MBTD1: variants seen among roughly 807,000 people sequenced by gnomAD.
The protein encoded by MBTD1 is mbt domain containing 1, also known as MBT domain-containing protein 1.
MBTD1 carries 24 observed loss-of-function variants against 87.8 expected under a neutral mutation model. That is an observed-to-expected ratio of 0.27 (90% confidence interval 0.20 to 0.38). The LOEUF is 0.38. Among genes scored for constraint, MBTD1 ranks in the 10% least tolerant of loss-of-function variants. The probability of loss-of-function intolerance (pLI) is 1.00; values close to 1 mark genes in which losing one functional copy is unlikely to be tolerated. For synonymous variants in MBTD1, 237 were observed against 248.6 expected (o/e 0.95, Z 0.44); for missense variants, 436 against 760.2 (o/e 0.57, Z 5.02).
chr17:51,236,201 T>C (rs1285343614), intron 2 of MBTD1, among the ~76,000 whole-genome samples: 6 of 152,142 alleles, frequency 3.9e-5, no homozygotes, highest in Non-Finnish European at 8.8e-5. Context: ...ATATCCCCAG[T>C]GTTTTGTTCA....
chr17:51,260,640 C>G (rs543163394), upstream of MBTD1: 12 of 1,612,438 alleles, frequency 7.4e-6, no homozygotes, highest in Non-Finnish European at 1.0e-5. Context: ...GGAGCGAAGC[C>G]GAAGCGGAAG....
At chr17:51,188,923 T>C (rs554332971) in intron 16 of MBTD1, among the ~76,000 whole-genome samples, 8 of 152,056 alleles carry the variant, frequency 5.3e-5, no homozygotes, top group Non-Finnish European at 4.4e-5. Context: ...CACGCCTGGC[T>C]AATTTTGCAT....
chr17:51,193,835 G>C (rs1216708020), intron 13 of MBTD1, among the ~76,000 whole-genome samples: 2 of 152,170 alleles, frequency 1.3e-5, no homozygotes, highest in African/African-American at 2.4e-5. Context: ...TGCCCGGGTT[G>C]TTCTCAAACT....
At chr17:51,193,394 G>A (rs779456698) in intron 14 of MBTD1, 34 bp downstream of exon 14, 2 of 1,410,166 alleles carry the variant, frequency 1.4e-6, no homozygotes, top group South Asian at 1.2e-5. Context: ...GCATTAATAA[G>A]TCCTCACATA....
At chr17:51,258,855 CAA>C (rs1568253873) in intron 2 of MBTD1, among the ~76,000 whole-genome samples, 2 of 152,324 alleles carry the variant, frequency 1.3e-5, no homozygotes, top group East Asian at 1.9e-4. Flanking sequence ...ACTGACCCAG[CAA>C]AGTTTTCGGC....
intron 2 of MBTD1, among the ~76,000 whole-genome samples, chr17:51,247,166 G>C (rs2054487960): frequency 6.6e-6 from 1 of 152,146 alleles, no homozygotes; most frequent in African/African-American, 2.4e-5. Flanking sequence ...TTTTTGTTAG[G>C]AACAGGTGTT....
intron 2 of MBTD1, among the ~76,000 whole-genome samples, chr17:51,255,741 G>A (rs1266076190): frequency 6.6e-6 from 1 of 151,910 alleles, no homozygotes; most frequent in Non-Finnish European, 1.5e-5. Context: ...GGGACTACAG[G>A]GGTGTGCCAC....
At chr17:51,231,566 CT>C (rs1292214381) in intron 2 of MBTD1, among the ~76,000 whole-genome samples, 1 of 152,084 alleles carries the variant, frequency 6.6e-6, no homozygotes, top group Non-Finnish European at 1.5e-5. Flanking sequence ...AGTATGCAGT[CT>C]TTTCTAGAGT....
chr17:51,192,660 G>A (rs1261686780), intron 15 of MBTD1, 122 bp downstream of exon 15: 2 of 1,516,030 alleles, frequency 1.3e-6, no homozygotes, highest in Admixed American at 2.2e-5. Context: ...TGTCTTACCT[G>A]GCAACCAATC....
upstream of MBTD1, chr17:51,260,127 T>G: frequency 2.7e-6 from 1 of 368,496 alleles, no homozygotes; most frequent in Admixed American, 4.5e-5. Flanking sequence ...TACCCTCCTC[T>G]CTCGCTTCCA....
chr17:51,260,330 A>T (rs1277093187), upstream of MBTD1, among the ~76,000 whole-genome samples: 4 of 152,196 alleles, frequency 2.6e-5, no homozygotes, highest in Non-Finnish European at 5.9e-5. Flanking sequence ...ATTGTGTTGG[A>T]AAAATTTTCC....
intron 2 of MBTD1, among the ~76,000 whole-genome samples, chr17:51,247,676 C>T (rs892773051): frequency 6.6e-6 from 1 of 152,120 alleles, no homozygotes; most frequent in African/African-American, 2.4e-5. Flanking sequence ...TCTCAAACTC[C>T]TGGGGTCAAG....
At chr17:51,210,573 T>C (rs527807144) in intron 6 of MBTD1, among the ~76,000 whole-genome samples, 3 of 151,462 alleles carry the variant, frequency 2.0e-5, no homozygotes, top group Admixed American at 1.3e-4. Context: ...CTGGCCAATA[T>C]GGAGAAATCC....
At chr17:51,215,385 C>A (rs909303591) in intron 6 of MBTD1, among the ~76,000 whole-genome samples, 11 of 152,034 alleles carry the variant, frequency 7.2e-5, no homozygotes, top group African/African-American at 2.4e-4. Context: ...AAATGTTATG[C>A]TTCTGGGGTT....
chr17:51,241,717 C>G (rs2054170285), intron 2 of MBTD1, among the ~76,000 whole-genome samples: 1 of 152,168 alleles, frequency 6.6e-6, no homozygotes, highest in African/African-American at 2.4e-5. Context: ...GTGCCTGCCA[C>G]CATGCCAGGC....
chr17:51,260,509 G>A, upstream of MBTD1: 2 of 1,467,770 alleles, frequency 1.4e-6, no homozygotes, highest in Middle Eastern at 2.3e-4. Context: ...CTTCGGCGGC[G>A]GCGGCCCGCG....
intron 16 of MBTD1, among the ~76,000 whole-genome samples, chr17:51,182,141 T>G (rs78133724): frequency 1.3e-5 from 2 of 149,652 alleles, no homozygotes; most frequent in Admixed American, 6.6e-5. Context: ...TTTTTTTTTT[T>G]TGAGACATAG....
chr17:51,213,742 T>A (rs989959797), intron 6 of MBTD1, among the ~76,000 whole-genome samples: 1 of 152,160 alleles, frequency 6.6e-6, no homozygotes, highest in Non-Finnish European at 1.5e-5. Context: ...ATTTTAGTGG[T>A]TTCCAGCCTC....
intron 2 of MBTD1, among the ~76,000 whole-genome samples, chr17:51,238,078 C>G (rs549787395): frequency 6.6e-6 from 1 of 152,120 alleles, no homozygotes; most frequent in African/African-American, 2.4e-5. Context: ...CAGTAATTAC[C>G]TGGGGATGGG....
Sources: allele counts gnomAD v4.1 joint callset (sites outside exome capture counted in the v4.1 genomes callset), GRCh38; gene constraint gnomAD v4.1.1; transcripts MANE v1.5; gene names NCBI Gene and HGNC (gene_info 2026-07-23, HGNC 2026-07-21).